Variants in GALNT17 observed in about 807,000 individuals in gnomAD.
GALNT17 encodes the protein UDP-GalNAc:polypeptide N-acetylgalactosaminyltransferase-like 3.
In GALNT17, 29 loss-of-function variants were observed where a neutral mutation model predicts 63.7. The ratio of observed to expected loss-of-function variants is 0.46; its 90% CI spans 0.34 to 0.62. The LOEUF (loss-of-function observed/expected upper bound fraction) is 0.62. Ranked by LOEUF, GALNT17 falls within the 20% of genes least tolerant of loss-of-function variation. GALNT17 has a pLI of 0.01. For synonymous variants in GALNT17, 305 were observed against 318.3 expected, an observed-to-expected ratio of 0.96 and a Z score of 0.45; for missense variants, 603 against 799.6, an observed-to-expected ratio of 0.75 and a Z score of 2.97.
chr7:71,378,326 A>T (rs755335243), intron 2 of GALNT17, among the ~76,000 whole-genome samples: 1 of 152,078 alleles, frequency 6.6e-6, no homozygotes, highest in Non-Finnish European at 1.5e-5. Flanking sequence ...AGTGATTCCA[A>T]CCCCCATCTC....
intron 1 of GALNT17, among the ~76,000 whole-genome samples, chr7:71,217,184 G>A (rs1222026607): frequency 1.7e-5 from 2 of 120,818 alleles, no homozygotes; most frequent in African/African-American, 6.4e-5. Context: ...GTTTTGCCAT[G>A]TGGCCCAGGC....
chr7:71,179,887 A>G (rs1040384189), intron 1 of GALNT17, among the ~76,000 whole-genome samples: 4 of 152,196 alleles, frequency 2.6e-5, no homozygotes, highest in African/African-American at 9.7e-5. Flanking sequence ...AAATAAGTTC[A>G]TTAAAGAAAA....
chr7:71,682,368 C>T (rs1225523405), intron 9 of GALNT17, among the ~76,000 whole-genome samples: 1 of 150,354 alleles, frequency 6.7e-6, no homozygotes, highest in Non-Finnish European at 1.5e-5. Flanking sequence ...GATGCCTACA[C>T]CTCCAGACAT....
At chr7:71,161,911 TC>T (rs1788347858) in intron 1 of GALNT17, among the ~76,000 whole-genome samples, 1 of 151,842 alleles carries the variant, frequency 6.6e-6, no homozygotes, top group African/African-American at 2.4e-5. Context: ...ATGATATTGG[TC>T]CCCCCATTTA....
At chr7:71,214,011 T>C (rs928086886) in intron 1 of GALNT17, among the ~76,000 whole-genome samples, 5 of 152,256 alleles carry the variant, frequency 3.3e-5, no homozygotes, top group African/African-American at 1.2e-4. Flanking sequence ...GTTGTTACTC[T>C]TTCCTTCTTA....
chr7:71,463,051 G>A (rs922629996), intron 5 of GALNT17, among the ~76,000 whole-genome samples: 1 of 152,176 alleles, frequency 6.6e-6, no homozygotes, highest in African/African-American at 2.4e-5. Flanking sequence ...AGGAATTGGT[G>A]GTTAGGGGTT....
At chr7:71,204,850 A>G (rs1789241504) in intron 1 of GALNT17, among the ~76,000 whole-genome samples, 1 of 151,906 alleles carries the variant, frequency 6.6e-6, no homozygotes, top group Non-Finnish European at 1.5e-5. Context: ...GGTTCAAGCA[A>G]TTCTCGTGCC....
intron 5 of GALNT17, among the ~76,000 whole-genome samples, chr7:71,444,704 G>A (rs544831282): frequency 6.6e-6 from 1 of 152,148 alleles, no homozygotes; most frequent in African/African-American, 2.4e-5. Context: ...GGCAGCGCCT[G>A]TAATCCCAGC....
chr7:71,194,152 C>T (rs950947414), intron 1 of GALNT17, among the ~76,000 whole-genome samples: 2 of 152,050 alleles, frequency 1.3e-5, no homozygotes, highest in African/African-American at 4.8e-5. Context: ...CTCAAACGAT[C>T]CTCCCACCTC....
chr7:71,414,395 T>G (rs1793487435), intron 3 of GALNT17, among the ~76,000 whole-genome samples: 1 of 152,232 alleles, frequency 6.6e-6, no homozygotes, highest in African/African-American at 2.4e-5. Context: ...TTGAGTGCTT[T>G]CTATATAGCT....
chr7:71,254,827 A>G (rs1233224874), intron 1 of GALNT17, among the ~76,000 whole-genome samples: 1 of 152,214 alleles, frequency 6.6e-6, no homozygotes, highest in Non-Finnish European at 1.5e-5. Context: ...GAAAACAGGA[A>G]TCTGAAATGA....
At chr7:71,234,307 G>C (rs950285037) in intron 1 of GALNT17, among the ~76,000 whole-genome samples, 1 of 152,110 alleles carries the variant, frequency 6.6e-6, no homozygotes, top group African/African-American at 2.4e-5. Flanking sequence ...TGTCGCCCAG[G>C]CTGGAGTGCA....
At chr7:71,552,630 C>T (rs915482132) in intron 5 of GALNT17, among the ~76,000 whole-genome samples, 4 of 151,876 alleles carry the variant, frequency 2.6e-5, no homozygotes, top group South Asian at 2.1e-4. Flanking sequence ...TTAGTAGAGA[C>T]AGGGTTTCAC....
At chr7:71,673,591 T>A (rs1288118549) in intron 8 of GALNT17, among the ~76,000 whole-genome samples, 1 of 152,162 alleles carries the variant, frequency 6.6e-6, no homozygotes, top group Non-Finnish European at 1.5e-5. Context: ...GGTGATACTT[T>A]CATCATTAGA....
chr7:71,692,982 G>T (rs965375826), intron 9 of GALNT17, among the ~76,000 whole-genome samples: 1 of 151,216 alleles, frequency 6.6e-6, no homozygotes, highest in African/African-American at 2.4e-5. Flanking sequence ...CAAGTGATCC[G>T]CCCACCTCGG....
chr7:71,442,602 A>G (rs2116522146), intron 5 of GALNT17, among the ~76,000 whole-genome samples: 1 of 151,804 alleles, frequency 6.6e-6, no homozygotes, highest in South Asian at 2.1e-4. Context: ...TGCCAACATG[A>G]CTCTAAAAAT....
intron 5 of GALNT17, among the ~76,000 whole-genome samples, chr7:71,427,298 G>A (rs892564374): frequency 9.3e-5 from 14 of 151,228 alleles, no homozygotes; most frequent in Non-Finnish European, 1.0e-4. Context: ...AGGTTTTACC[G>A]TGTTAACCAG....
intron 5 of GALNT17, among the ~76,000 whole-genome samples, chr7:71,517,749 A>G (rs1030144575): frequency 6.6e-6 from 1 of 152,208 alleles, no homozygotes; most frequent in Non-Finnish European, 1.5e-5. Flanking sequence ...GGTGATCAAT[A>G]CAGGGAATAA....
At chr7:71,251,671 T>G (rs1298357999) in intron 1 of GALNT17, among the ~76,000 whole-genome samples, 1 of 152,196 alleles carries the variant, frequency 6.6e-6, no homozygotes, top group East Asian at 1.9e-4. Context: ...CCCGGAGTGC[T>G]GAGATTACAG....
Sources: allele counts gnomAD v4.1 joint callset (sites outside exome capture counted in the v4.1 genomes callset), GRCh38; gene constraint gnomAD v4.1.1; transcripts MANE v1.5; gene names NCBI Gene and HGNC (gene_info 2026-07-23, HGNC 2026-07-21).